Variants in CYP24A1 observed in about 807,000 individuals in gnomAD.
CYP24A1 encodes the protein 1,25-dihydroxyvitamin D(3) 24-hydroxylase, mitochondrial.
CYP24A1 carries 68 observed loss-of-function variants against 62.4 expected under a neutral mutation model. The ratio of observed to expected loss-of-function variants is 1.09; its 90% confidence interval spans 0.90 to 1.33. The LOEUF (loss-of-function observed/expected upper bound fraction) is 1.33, where lower values mean the gene tolerates loss of function less well. CYP24A1 is among the 40% of genes most tolerant of loss of function. CYP24A1 has a pLI of 0.00. For synonymous variants in CYP24A1, 267 were observed against 253.0 expected, an observed-to-expected ratio of 1.06 and a Z score of -0.52; for missense variants, 787 against 653.0, an observed-to-expected ratio of 1.21 and a Z score of -2.24.
At chr20:54,165,627 C>G (rs1360802547) in intron 5 of CYP24A1, 115 bp downstream of exon 5, 3 of 750,042 alleles carry the variant, frequency 4.0e-6, no homozygotes, top group Non-Finnish European at 7.2e-6. Flanking sequence ...GAACACTTAA[C>G]TATTGAAATA....
At chr20:54,149,054 A>T (rs1156577782), downstream of CYP24A1, among the ~76,000 whole-genome samples, 2 of 152,140 alleles carry the variant, frequency 1.3e-5, no homozygotes, top group Non-Finnish European at 2.9e-5. Context: ...GAGCAGGGAC[A>T]TGTTTATTTT....
chr20:54,144,099 TG>T, the CYP24A1 span, among the ~76,000 whole-genome samples: 2 of 152,204 alleles, frequency 1.3e-5, no homozygotes, highest in African/African-American at 2.4e-5. Flanking sequence ...GGACCTGAGC[TG>T]GGTAGTCACA....
chr20:54,171,099 T>A (rs544600595), intron 3 of CYP24A1, among the ~76,000 whole-genome samples: 2 of 152,148 alleles, frequency 1.3e-5, no homozygotes, highest in African/African-American at 4.8e-5. Flanking sequence ...CTTAATGCCT[T>A]CCCCCACTTT....
At chr20:54,164,021 C>T (rs181471450) in intron 6 of CYP24A1, among the ~76,000 whole-genome samples, 99 of 152,226 alleles carry the variant, frequency 6.5e-4, no homozygotes, top group African/African-American at 2.2e-3. Flanking sequence ...CTGCAACCTC[C>T]GCCTCCCAGG....
intron 3 of CYP24A1, among the ~76,000 whole-genome samples, chr20:54,170,034 G>C (rs1197661003): frequency 6.6e-6 from 1 of 152,102 alleles, no homozygotes; most frequent in African/African-American, 2.4e-5. Flanking sequence ...AACTGTCCCT[G>C]TTGGCCCAGC....
intron 7 of CYP24A1, among the ~76,000 whole-genome samples, chr20:54,161,249 C>T (rs758566731): frequency 6.6e-6 from 1 of 152,238 alleles, no homozygotes; most frequent in African/African-American, 2.4e-5. Flanking sequence ...CGCTCTTCCA[C>T]GAGGTCTTTC....
At chr20:54,167,656 C>T (rs909705664) in intron 4 of CYP24A1, among the ~76,000 whole-genome samples, 2 of 151,990 alleles carry the variant, frequency 1.3e-5, no homozygotes, top group Non-Finnish European at 2.9e-5. Flanking sequence ...ACCTGTAGTC[C>T]CAGCTGCTCA....
intron 5 of CYP24A1, among the ~76,000 whole-genome samples, chr20:54,164,768 G>A (rs949544271): frequency 9.3e-5 from 14 of 150,878 alleles, no homozygotes; most frequent in Admixed American, 8.6e-4. Context: ...TGAAGGTAAT[G>A]TGGGGGATGA....
intron 7 of CYP24A1, chr20:54,162,488 C>A: frequency 3.0e-6 from 1 of 337,472 alleles, no homozygotes; most frequent in Admixed American, 4.5e-5. Flanking sequence ...CACAGAAGCC[C>A]GTGCATGGAG....
At chr20:54,151,153 A>C (rs2092611842), downstream of CYP24A1, among the ~76,000 whole-genome samples, 2 of 152,198 alleles carry the variant, frequency 1.3e-5, no homozygotes, top group African/African-American at 4.8e-5. Flanking sequence ...TGATATGCTA[A>C]ACAAGGGGTG....
chr20:54,151,719 C>G (rs963401163), downstream of CYP24A1, among the ~76,000 whole-genome samples: 1 of 151,886 alleles, frequency 6.6e-6, no homozygotes, highest in Admixed American at 6.6e-5. Flanking sequence ...CGTGCCACCA[C>G]GCCCAGCTAA....
chr20:54,158,018 C>T, intron 9 of CYP24A1, 68 bp downstream of exon 9: 1 of 1,601,094 alleles, frequency 6.2e-7, no homozygotes, highest in Non-Finnish European at 8.5e-7. Flanking sequence ...CTAGGGAGAT[C>T]TGGTGAATAT....
chr20:54,163,085 T>C (rs150747427), intron 6 of CYP24A1, among the ~76,000 whole-genome samples: 1 of 152,326 alleles, frequency 6.6e-6, no homozygotes, highest in African/African-American at 2.4e-5. Flanking sequence ...TTAATGTGGA[T>C]AGGAGTCACC....
rs1410352989 is a variant in CYP24A1 at position 54,173,130 on chromosome 20, G to T, written c.259-31C>A. ...GCCGGCCGGGCACAGCGCGGTGTCA[G>T]CGCGCATCCTCCGCCGTGCCCGAAG... On this transcript the variant is annotated intron_variant, in intron 1 of 11. Coordinates refer to ENST00000216862, the MANE Select transcript of CYP24A1 (RefSeq NM_000782.5). This position sits in a 1 kb window ranked among gnomAD's most constrained non-coding sequence, Gnocchi z 7.2. 2 of 1,596,782 alleles carry T rather than the reference G, an allele frequency of 1.3e-6. No individual in the cohort carries two copies. Among genetic ancestry groups the T allele is most frequent in the Non-Finnish European group, 8.5e-7 (1 of 1,175,990 alleles).
At chr20:54,165,270 T>C (rs1260376738) in intron 5 of CYP24A1, among the ~76,000 whole-genome samples, 1 of 152,226 alleles carries the variant, frequency 6.6e-6, no homozygotes, top group East Asian at 1.9e-4. Flanking sequence ...GTGAACCCTA[T>C]TGTGAATTGC....
chr20:54,172,507 G>A (rs1280361229), intron 2 of CYP24A1, among the ~76,000 whole-genome samples: 1 of 152,090 alleles, frequency 6.6e-6, no homozygotes, highest in African/African-American at 2.4e-5. Context: ...CTAACTCCTC[G>A]CTTTTGAGCT....
chr20:54,148,618 A>G (rs2146447706), downstream of CYP24A1, among the ~76,000 whole-genome samples: 1 of 152,336 alleles, frequency 6.6e-6, no homozygotes, highest in East Asian at 1.9e-4. Context: ...GGAAGTGCTC[A>G]AAAATGGTAA....
Position 54,173,266 on chromosome 20 carries a change from G to C in CYP24A1, c.258+56C>G. 1 of 1,552,448 alleles carries C rather than the reference G, an allele frequency of 6.4e-7. No homozygotes were observed. The highest frequency in any genetic ancestry group is 8.9e-7 in the Non-Finnish European group (1 of 1,128,126). ...GCGCATGTCGGGGAGGGTTTGGAGC[G>C]CCACTGGGAGGGCGGAAGAGGGAGG... On this transcript the variant is annotated intron_variant, in intron 1 of 11. Transcript: ENST00000216862. This position sits in a 1 kb window ranked among gnomAD's most constrained non-coding sequence, Gnocchi z 7.2.
chr20:54,167,302 T>C (rs1466353021), intron 4 of CYP24A1, among the ~76,000 whole-genome samples: 1 of 152,192 alleles, frequency 6.6e-6, no homozygotes, highest in Non-Finnish European at 1.5e-5. Context: ...GGTACACCAC[T>C]GGGAATATGT....
Sources: allele counts gnomAD v4.1 joint callset (sites outside exome capture counted in the v4.1 genomes callset), GRCh38; gene constraint gnomAD v4.1.1; non-coding constraint Gnocchi (gnomAD v3.1); transcripts MANE v1.5; gene names NCBI Gene and HGNC (gene_info 2026-07-23, HGNC 2026-07-21).